CACNA2D3: variants seen among roughly 807,000 people sequenced by gnomAD.
CACNA2D3 encodes the protein voltage-dependent calcium channel subunit alpha-2/delta-3.
Under a neutral mutation model 160.6 loss-of-function variants are expected in CACNA2D3, and 60 were observed. The ratio of observed to expected loss-of-function variants is 0.37; its 90% CI spans 0.30 to 0.46. The LOEUF (loss-of-function observed/expected upper bound fraction) is 0.46, where lower values mean the gene tolerates loss of function less well. Ranked by LOEUF, CACNA2D3 falls within the 20% of genes least tolerant of loss-of-function variation. CACNA2D3 has a pLI of 1.00. For missense variants in CACNA2D3, 1,205 were observed against 1,365.0 expected (o/e 0.88, Z 1.85); for synonymous variants, 558 against 492.9 (o/e 1.13, Z -1.75).
intron 14 of CACNA2D3, among the ~76,000 whole-genome samples, chr3:54,821,878 A>G (rs899751166): frequency 1.7e-4 from 26 of 152,068 alleles, no homozygotes; most frequent in African/African-American, 6.3e-4. Context: ...CTATACTTCG[A>G]ACAGTTGAAT....
At chr3:54,845,700 C>T (rs1278579029) in intron 16 of CACNA2D3, among the ~76,000 whole-genome samples, 2 of 152,194 alleles carry the variant, frequency 1.3e-5, no homozygotes, top group African/African-American at 4.8e-5. Flanking sequence ...TTTCATTGCT[C>T]ACAAACTATT....
At chr3:54,428,106 A>G (rs1575449092) in intron 4 of CACNA2D3, among the ~76,000 whole-genome samples, 1 of 152,220 alleles carries the variant, frequency 6.6e-6, no homozygotes, top group Admixed American at 6.5e-5. Context: ...AGCATTGGCC[A>G]TAGTCACGTA....
At chr3:54,302,178 T>G (rs1559915240) in intron 2 of CACNA2D3, among the ~76,000 whole-genome samples, 1 of 152,194 alleles carries the variant, frequency 6.6e-6, no homozygotes, top group Non-Finnish European at 1.5e-5. Flanking sequence ...CATTCTCCTC[T>G]CACTGGTAAA....
intron 34 of CACNA2D3, among the ~76,000 whole-genome samples, chr3:55,014,180 T>C (rs1454368717): frequency 6.6e-6 from 1 of 152,216 alleles, no homozygotes; most frequent in East Asian, 1.9e-4. Context: ...CTGCCCATGC[T>C]AAGGGCCTGG....
intron 2 of CACNA2D3, among the ~76,000 whole-genome samples, chr3:54,264,491 A>G (rs751205834): frequency 6.6e-6 from 1 of 152,076 alleles, no homozygotes; most frequent in Non-Finnish European, 1.5e-5. Flanking sequence ...TTTTCTTCTT[A>G]TTTGGACCTA....
intron 11 of CACNA2D3, among the ~76,000 whole-genome samples, chr3:54,710,053 C>T (rs191578505): frequency 1.5e-4 from 23 of 152,288 alleles, no homozygotes; most frequent in East Asian, 3.9e-4. Context: ...ATCAGAGAAT[C>T]GACTCATTCA....
intron 27 of CACNA2D3, among the ~76,000 whole-genome samples, chr3:54,929,302 A>G (rs1401202498): frequency 6.6e-6 from 1 of 152,158 alleles, no homozygotes; most frequent in Non-Finnish European, 1.5e-5. Context: ...AGTGTTCACA[A>G]TTTTGCATGA....
At position 54,445,553 on chromosome 3, in the gene CACNA2D3, T is replaced by TAC. The variant is rs1371255357; in HGVS notation, c.382-57938_382-57937insCA. Among the ~76,000 whole-genome samples, 7 of 32,984 alleles carry TAC rather than the reference T, an allele frequency of 2.1e-4. No individual in the cohort carries two copies. In the East Asian group the frequency reaches 4.0e-3, roughly 19 times the overall value. The allele number at this position is 32,984 out of a possible 152,430, so 21.6% of individuals were successfully genotyped here. On this transcript the variant is annotated intron_variant, in intron 4 of 37. Transcript: ENST00000474759. ...TCTATGTATACTTTTTATTTCTATGTATACACACACACACACACACACACA... is the reference window on the plus strand; with the variant it reads ...TCTATGTATACTTTTTATTTCTATGTACATACACACACACACACACACACACA...
chr3:54,855,576 G>A (rs965075072), intron 17 of CACNA2D3, among the ~76,000 whole-genome samples: 2 of 152,070 alleles, frequency 1.3e-5, no homozygotes, highest in African/African-American at 4.8e-5. Flanking sequence ...AAGGAAATAT[G>A]GAAGAATGCA....
At chr3:54,558,935 A>G (rs1702281293) in intron 5 of CACNA2D3, among the ~76,000 whole-genome samples, 2 of 152,120 alleles carry the variant, frequency 1.3e-5, no homozygotes, top group African/African-American at 4.8e-5. Flanking sequence ...GGAGGAGAAC[A>G]AGGGATCTAG....
chr3:54,814,272 G>A (rs145927141), intron 13 of CACNA2D3, among the ~76,000 whole-genome samples: 1 of 152,286 alleles, frequency 6.6e-6, no homozygotes, highest in Admixed American at 6.5e-5. Flanking sequence ...GGGTCTCAAG[G>A]TAAAACCTAG....
intron 3 of CACNA2D3, among the ~76,000 whole-genome samples, chr3:54,382,020 A>C (rs754783082): frequency 3.9e-5 from 6 of 152,278 alleles, no homozygotes; most frequent in Non-Finnish European, 7.4e-5. Context: ...CAAGGGATAA[A>C]AGATTTGTGG....
intron 4 of CACNA2D3, among the ~76,000 whole-genome samples, chr3:54,463,732 C>T (rs141034611): frequency 0.034 from 5,215 of 152,242 alleles, 260 homozygotes; most frequent in East Asian, 0.19. Context: ...TCCTGTAGCT[C>T]GGAGTAGTTT....
chr3:55,010,429 T>C (rs1015092703), intron 34 of CACNA2D3, among the ~76,000 whole-genome samples: 2 of 152,176 alleles, frequency 1.3e-5, no homozygotes, highest in Non-Finnish European at 2.9e-5. Context: ...AGAGTATCCG[T>C]AATTATAATG....
intron 4 of CACNA2D3, among the ~76,000 whole-genome samples, chr3:54,430,973 T>C (rs2106772660): frequency 6.6e-6 from 1 of 152,214 alleles, no homozygotes; most frequent in Non-Finnish European, 1.5e-5. Flanking sequence ...TTAACACATA[T>C]TTTGTGTGTT....
chr3:55,058,166 G>C (rs1449213896), intron 35 of CACNA2D3, among the ~76,000 whole-genome samples: 1 of 152,126 alleles, frequency 6.6e-6, no homozygotes, highest in Non-Finnish European at 1.5e-5. Flanking sequence ...GTTGAATAGG[G>C]GTGGGAATTA....
chr3:54,457,315 C>T (rs1038301149), intron 4 of CACNA2D3, among the ~76,000 whole-genome samples: 1 of 151,804 alleles, frequency 6.6e-6, no homozygotes, highest in African/African-American at 2.4e-5. Context: ...CCTTCATTGA[C>T]CCATTTGTTG....
chr3:54,582,315 T>G (rs1405965042), intron 9 of CACNA2D3, among the ~76,000 whole-genome samples: 1 of 152,216 alleles, frequency 6.6e-6, no homozygotes, highest in Non-Finnish European at 1.5e-5. Context: ...ATAGGAATGC[T>G]GTCTGCTCAC....
chr3:54,164,925 G>A (rs532427006), intron 2 of CACNA2D3, among the ~76,000 whole-genome samples: 5 of 152,266 alleles, frequency 3.3e-5, no homozygotes, highest in African/African-American at 9.6e-5. Flanking sequence ...GAAAGTCTGC[G>A]AAGCTCTTAA....
Sources: gnomAD v4.1 joint callset for allele counts (sites outside exome capture counted in the v4.1 genomes callset) on GRCh38, gnomAD v4.1.1 for gene constraint, MANE v1.5 for transcripts, NCBI Gene and HGNC (gene_info 2026-07-23, HGNC 2026-07-21) for gene names.